Variants in CUX1 observed in about 807,000 individuals in gnomAD.
CUX1 encodes cut like homeobox 1, also known as protein CASP.
In CUX1, 31 loss-of-function variants were observed where a neutral mutation model predicts 158.8. The observed-to-expected ratio is 0.20, with a 90% CI of 0.15 to 0.26. The LOEUF is 0.26. CUX1 is among the 10% of genes least tolerant of loss of function. The pLI is 1.00. For missense variants in CUX1, 1,589 were observed against 2,014.6 expected, an observed-to-expected ratio of 0.79 and a Z score of 4.04; for synonymous variants, 879 against 862.1, an observed-to-expected ratio of 1.02 and a Z score of -0.34.
intron 11 of CUX1, among the ~76,000 whole-genome samples, chr7:102,183,119 G>A (rs1402778582): frequency 6.6e-6 from 1 of 152,038 alleles, no homozygotes; most frequent in African/African-American, 2.4e-5. Flanking sequence ...CGTCCCTCTG[G>A]CCTTGGGTGT....
chr7:102,095,084 C>T (rs1237459662), intron 4 of CUX1, among the ~76,000 whole-genome samples: 1 of 151,938 alleles, frequency 6.6e-6, no homozygotes, highest in African/African-American at 2.4e-5. Flanking sequence ...AATGCAACCT[C>T]GACCTCAAGG....
intron 1 of CUX1, among the ~76,000 whole-genome samples, chr7:101,818,633 T>G (rs1270123349): frequency 1.3e-5 from 2 of 152,246 alleles, no homozygotes; most frequent in East Asian, 3.8e-4. Context: ...TTATTTGAAC[T>G]TCATTCCTCT....
At chr7:102,177,337 G>A (rs1554512270) in intron 10 of CUX1, among the ~76,000 whole-genome samples, 4 of 150,860 alleles carry the variant, frequency 2.7e-5, no homozygotes, top group Non-Finnish European at 1.5e-5. Context: ...TTGCTTGAAC[G>A]CAGGAGACGG....
At chr7:102,152,797 G>GC (rs1458265452) in intron 8 of CUX1, among the ~76,000 whole-genome samples, 1 of 152,196 alleles carries the variant, frequency 6.6e-6, no homozygotes, top group Non-Finnish European at 1.5e-5. Flanking sequence ...GGAGACAGCA[G>GC]CCCCTCCGAG....
chr7:101,997,234 T>A (rs1278397269), intron 2 of CUX1, among the ~76,000 whole-genome samples: 2 of 151,604 alleles, frequency 1.3e-5, no homozygotes, highest in African/African-American at 4.9e-5. Context: ...AGTGTGGGCC[T>A]CCCTGGGGTG....
chr7:102,140,834 C>T (rs1159956171), intron 8 of CUX1, among the ~76,000 whole-genome samples: 1 of 150,816 alleles, frequency 6.6e-6, no homozygotes, highest in Non-Finnish European at 1.5e-5. Flanking sequence ...CACTGTACTC[C>T]AGCCTGGGGG....
chr7:102,102,263 C>T (rs1322950128), intron 5 of CUX1, among the ~76,000 whole-genome samples: 1 of 148,594 alleles, frequency 6.7e-6, no homozygotes, highest in African/African-American at 2.5e-5. Context: ...AACAAAAGAG[C>T]CTTTCACACA....
intron 22 of CUX1, chr7:102,282,974 C>A: frequency 6.9e-7 from 1 of 1,455,050 alleles, no homozygotes; most frequent in Non-Finnish European, 9.6e-7. Flanking sequence ...CACCCCCCTT[C>A]CCCAACACAC....
At chr7:102,158,445 G>T in intron 8 of CUX1, 115 bp from the exon 9 acceptor site, 1 of 932,654 alleles carries the variant, frequency 1.1e-6, no homozygotes, top group South Asian at 1.5e-5. Flanking sequence ...GGACAGCATT[G>T]ACTCACGGGT....
intron 3 of CUX1, among the ~76,000 whole-genome samples, chr7:102,052,907 A>C (rs1276004751): frequency 6.6e-6 from 1 of 152,132 alleles, no homozygotes; most frequent in Non-Finnish European, 1.5e-5. Flanking sequence ...TCGCAGGTTC[A>C]AGCGATTCTC....
intron 2 of CUX1, among the ~76,000 whole-genome samples, chr7:101,993,165 A>C (rs932343035): frequency 6.6e-6 from 1 of 151,640 alleles, no homozygotes; most frequent in African/African-American, 2.4e-5. Flanking sequence ...CCCCGTCTCT[A>C]CTAAAAAATA....
intron 11 of CUX1, among the ~76,000 whole-genome samples, chr7:102,186,405 C>G (rs1554515280): frequency 6.6e-6 from 1 of 151,982 alleles, no homozygotes; most frequent in Admixed American, 6.6e-5. Flanking sequence ...TTCAACTGCC[C>G]CTAGGTAGAT....
At chr7:102,116,215 G>A (rs1444893650) in intron 8 of CUX1, among the ~76,000 whole-genome samples, 4 of 152,144 alleles carry the variant, frequency 2.6e-5, no homozygotes, top group African/African-American at 9.7e-5. Flanking sequence ...CTTGGGCTTT[G>A]AGGGTGCTGC....
chr7:102,065,822 C>T (rs1041644773), intron 3 of CUX1, among the ~76,000 whole-genome samples: 3 of 151,328 alleles, frequency 2.0e-5, no homozygotes, highest in African/African-American at 4.9e-5. Flanking sequence ...GATGGAGTCT[C>T]GCTCTGTCGC....
In CUX1 at chr7:102,248,798, C is replaced by T; in HGVS notation, c.4274C>T (p.Ala1425Val). Reference sequence around the variant, plus strand: ...CCCGAGGACGCCGCTACCTCAGCCGCCGCCGCGCCGGGGGAGGGCCCCGCG... The same window carrying T: ...CCCGAGGACGCCGCTACCTCAGCCGTCGCCGCGCCGGGGGAGGGCCCCGCG... Reference protein sequence around the residue: ...AAPEDAATSAAAAPGEGPAAP... With the variant: ...AAPEDAATSAVAAPGEGPAAP... Residue 1425 changes from alanine (A) to valine (V), a missense_variant, in exon 24 of 24, where the codon GCC (alanine) becomes GTC (valine). Around this residue, in one of 8 missense-constraint regions of CUX1, gnomAD observed 344 missense variants for 323.7 expected, o/e 1.06. Coordinates refer to ENST00000292535, the MANE Select transcript of CUX1 (RefSeq NM_181552.4). The surrounding 1 kb of genome is among the most constrained non-coding windows in gnomAD (Gnocchi z 5.8). 9.2e-7 allele frequency: 1 copy of T among 1,083,312 alleles called. No homozygotes were observed. The highest frequency in any genetic ancestry group is 1.1e-6 in the Non-Finnish European group (1 of 891,962). 67.1% of individuals were successfully genotyped at this position (1,083,312 alleles called of 1,614,324 possible).
intron 1 of CUX1, chr7:101,913,483 C>T: frequency 3.6e-6 from 4 of 1,100,968 alleles, no homozygotes; most frequent in Non-Finnish European, 4.7e-6. Context: ...TTTCCTCCTC[C>T]ACCAGGCAGG....
intron 3 of CUX1, among the ~76,000 whole-genome samples, chr7:102,045,387 A>G (rs1822622473): frequency 6.6e-6 from 1 of 152,244 alleles, no homozygotes; most frequent in Non-Finnish European, 1.5e-5. Flanking sequence ...CAGTCTATTA[A>G]TCACGGCCGC....
chr7:101,995,955 A>C (rs751866532), intron 2 of CUX1, among the ~76,000 whole-genome samples: 1 of 152,094 alleles, frequency 6.6e-6, no homozygotes, highest in Non-Finnish European at 1.5e-5. Context: ...TCTCCTAAAA[A>C]TACAAAAATT....
rs35750202 is a variant in CUX1 at position 102,177,893 on chromosome 7, G to GT, written c.829-567dup. On this transcript the variant is annotated intron_variant, in intron 10 of 23. Transcript: ENST00000292535. ...CTGGGAAGACAGGGACTTTTCTCCT[G>GT]TTTTTTTTTGTTTTTTTGAGACAGA... is the stretch of plus-strand genomic sequence containing the variant. 3.4e-3 allele frequency among the ~76,000 whole-genome samples: 510 copies of GT among 151,374 alleles called. 5 individuals are homozygous for GT. In the South Asian group the frequency reaches 0.034, roughly 10 times the overall value.
Sources: gnomAD v4.1 joint callset for allele counts (sites outside exome capture counted in the v4.1 genomes callset) on GRCh38, gnomAD v4.1.1 for gene constraint, gnomAD v4.1.1 regional missense constraint, Gnocchi (gnomAD v3.1) non-coding constraint, MANE v1.5 for transcripts, NCBI Gene and HGNC (gene_info 2026-07-23, HGNC 2026-07-21) for gene names.